FBLN5: variants seen among roughly 807,000 people sequenced by gnomAD.
The protein encoded by FBLN5 is fibulin-5.
A neutral mutation model predicts 61.6 loss-of-function variants in FBLN5; 24 were observed. That is an observed-to-expected ratio of 0.39 (90% CI 0.28 to 0.55). FBLN5 has a LOEUF of 0.55. FBLN5 is among the 20% of genes least tolerant of loss of function. The pLI is 0.65. For synonymous variants in FBLN5, 213 were observed against 219.8 expected (o/e 0.97, Z 0.27); for missense variants, 470 against 594.1 (o/e 0.79, Z 2.17).
intron 4 of FBLN5, among the ~76,000 whole-genome samples, chr14:91,900,530 T>C (rs895970877): frequency 6.6e-6 from 1 of 152,078 alleles, no homozygotes; most frequent in African/African-American, 2.4e-5. Flanking sequence ...TCTAGGTCAT[T>C]CTCCAAGCAC....
intron 4 of FBLN5, among the ~76,000 whole-genome samples, chr14:91,931,305 C>A (rs922619647): frequency 6.6e-6 from 1 of 152,228 alleles, no homozygotes; most frequent in African/African-American, 2.4e-5. Context: ...AATCTCCCTT[C>A]CTTGTCCACA....
chr14:91,870,721 G>A (rs376626707), intron 10 of FBLN5, among the ~76,000 whole-genome samples: 7 of 152,322 alleles, frequency 4.6e-5, no homozygotes, highest in Middle Eastern at 3.4e-3. Flanking sequence ...TACCTGATCC[G>A]TGTCTGATAT....
chr14:91,883,706 G>C (rs1169425191), intron 7 of FBLN5, among the ~76,000 whole-genome samples: 1 of 126,344 alleles, frequency 7.9e-6, no homozygotes, highest in East Asian at 2.6e-4. Context: ...AAAACTGCCT[G>C]AAAGAGAAAA....
At position 91,940,442 on chromosome 14, in the gene FBLN5, A is replaced by G. The variant is rs74071638; in HGVS notation, c.124+123T>C. ...TAAAAGGGCACCACTGACTTCAGTC[A>G]TTCCATGTCACTGTATTCTCCCATG... On this transcript the variant is annotated intron_variant, in intron 3 of 10. Coordinates refer to ENST00000342058, the MANE Select transcript of FBLN5 (RefSeq NM_006329.4). 2.2e-3 allele frequency: 1,906 copies of G among 854,158 alleles called. 30 individuals are homozygous for G. The African/African-American group carries it at 0.028, about 12-fold the overall frequency. 52.9% of individuals were successfully genotyped at this position (854,158 alleles called of 1,614,324 possible). A position where few individuals can be genotyped will look rare whatever the true frequency, so the allele number is the denominator to read the frequency against.
At chr14:91,933,333 G>A (rs1228775495) in intron 4 of FBLN5, among the ~76,000 whole-genome samples, 3 of 152,006 alleles carry the variant, frequency 2.0e-5, no homozygotes, top group Admixed American at 6.5e-5. Flanking sequence ...GGAGTGTAGT[G>A]GCACGAGCTC....
At chr14:91,881,677 C>T (rs929537828) in intron 8 of FBLN5, among the ~76,000 whole-genome samples, 6 of 152,050 alleles carry the variant, frequency 3.9e-5, no homozygotes, top group African/African-American at 1.2e-4. Flanking sequence ...TCTGTAATCC[C>T]GGTACATTGG....
rs1888869937 is a variant in FBLN5, at chr14:91,870,485, C to A, written c.1186-100G>T. 51 of 1,132,936 alleles carry A rather than the reference C, an allele frequency of 4.5e-5. 2 individuals are homozygous for A. In the South Asian group the frequency reaches 6.3e-4, roughly 14 times the overall value. The allele number at this position is 1,132,936 out of a possible 1,614,324, so 70.2% of individuals were successfully genotyped here. ...TTGCCTCCGTCAGTCAAACTGGCAC[C>A]CCCTCGGTGCCTCAACTGTGCCATG... On this transcript the variant is annotated intron_variant, in intron 10 of 10. Transcript: ENST00000342058.
At chr14:91,916,365 T>G (rs1366260354) in intron 4 of FBLN5, among the ~76,000 whole-genome samples, 1 of 152,180 alleles carries the variant, frequency 6.6e-6, no homozygotes, top group Non-Finnish European at 1.5e-5. Flanking sequence ...GAGAATCGCT[T>G]GAACGTGGGA....
intron 4 of FBLN5, among the ~76,000 whole-genome samples, chr14:91,931,573 A>G (rs2055924428): frequency 6.6e-6 from 1 of 152,224 alleles, no homozygotes; most frequent in African/African-American, 2.4e-5. Flanking sequence ...GAATCAAGAT[A>G]TTGCTTGTAA....
rs1474907240 is a variant in FBLN5, at chr14:91,936,936, G to A, written c.379+11C>T. The A allele has an allele frequency of 1.9e-6, 3 of 1,613,946 alleles. No individual in the cohort carries two copies. Among genetic ancestry groups the A allele is most frequent in the African/African-American group, 1.3e-5 (1 of 74,896 alleles). On this transcript the variant is annotated intron_variant, in intron 4 of 10. Coordinates refer to ENST00000342058, the MANE Select transcript of FBLN5 (RefSeq NM_006329.4). ...GCACAGCGGAGAGGAACAAAAGGCCGGGCTACTCACCCACACATTGGTTGC... is the reference window on the plus strand; with the variant it reads ...GCACAGCGGAGAGGAACAAAAGGCCAGGCTACTCACCCACACATTGGTTGC...
At chr14:91,892,555 C>G (rs868703945) in intron 5 of FBLN5, among the ~76,000 whole-genome samples, 2 of 152,190 alleles carry the variant, frequency 1.3e-5, no homozygotes, top group African/African-American at 4.8e-5. Context: ...CTCTAAGTCC[C>G]GGCTACTTCT....
chr14:91,885,965 C>G (rs1373590563), intron 7 of FBLN5, among the ~76,000 whole-genome samples: 1 of 152,196 alleles, frequency 6.6e-6, no homozygotes, highest in Non-Finnish European at 1.5e-5. Context: ...GCCCAAGGCT[C>G]TCTGGAACTT....
rs1004345041 is a variant in FBLN5 at position 91,917,624 on chromosome 14, G to T, written c.379+19323C>A. Among the ~76,000 whole-genome samples the T allele has an allele frequency of 2.7e-5, 4 of 147,816 alleles. No individual in the cohort carries two copies. The East Asian group carries it at 7.8e-4, about 29-fold the overall frequency. ...AAGAAAGAAAGAAAAAACAAAATAC[G>T]TTTAGGTAGTTTATTGTTGTTTTGC... On this transcript the variant is annotated intron_variant, in intron 4 of 10. Coordinates refer to ENST00000342058, the MANE Select transcript of FBLN5 (RefSeq NM_006329.4).
At chr14:91,898,960 C>A (rs778362244) in intron 4 of FBLN5, among the ~76,000 whole-genome samples, 3 of 151,934 alleles carry the variant, frequency 2.0e-5, no homozygotes, top group Non-Finnish European at 4.4e-5. Flanking sequence ...CACCACCACG[C>A]CCGGCTAATT....
chr14:91,942,506 G>T (rs1384239358), intron 2 of FBLN5, among the ~76,000 whole-genome samples: 2 of 152,236 alleles, frequency 1.3e-5, no homozygotes, highest in Non-Finnish European at 2.9e-5. Flanking sequence ...GGGCACAAAT[G>T]AGGCCATGTG....
At chr14:91,936,244 C>T (rs972411963) in intron 4 of FBLN5, among the ~76,000 whole-genome samples, 1 of 152,200 alleles carries the variant, frequency 6.6e-6, no homozygotes, top group Non-Finnish European at 1.5e-5. Context: ...AACTTCAATT[C>T]ATATATATTT....
intron 4 of FBLN5, among the ~76,000 whole-genome samples, chr14:91,917,761 TG>T (rs1323723597): frequency 6.6e-6 from 1 of 152,184 alleles, no homozygotes; most frequent in Non-Finnish European, 1.5e-5. Context: ...AGAGTCCTAA[TG>T]TTGGCATTTG....
At chr14:91,881,271 C>T in intron 9 of FBLN5, 21 bp downstream of exon 9, 12 of 1,613,884 alleles carry the variant, frequency 7.4e-6, no homozygotes, top group Non-Finnish European at 8.5e-6. Flanking sequence ...TTCTATTCCC[C>T]AGGGGGACGC....
chr14:91,898,213 G>GT (rs989739959), intron 4 of FBLN5, among the ~76,000 whole-genome samples: 1 of 151,710 alleles, frequency 6.6e-6, no homozygotes, highest in African/African-American at 2.4e-5. Context: ...TTTTTTGGCG[G>GT]GGGGGGCGGA....
Sources: allele counts gnomAD v4.1 joint callset (sites outside exome capture counted in the v4.1 genomes callset), GRCh38; gene constraint gnomAD v4.1.1; transcripts MANE v1.5; gene names NCBI Gene and HGNC (gene_info 2026-07-23, HGNC 2026-07-21).